The following ROBO1 variants were observed in gnomAD, a reference collection of about 807,000 sequenced individuals.
The protein encoded by ROBO1 is roundabout homolog 1.
In ROBO1, 149 loss-of-function variants were observed where a neutral mutation model predicts 195.9. The ratio of observed to expected loss-of-function variants is 0.76; its 90% confidence interval spans 0.67 to 0.87. ROBO1 has a LOEUF of 0.87. Ranked by LOEUF, ROBO1 falls within the 40% of genes least tolerant of loss-of-function variation. The probability of loss-of-function intolerance (pLI) is 0.00; values close to 1 mark genes in which losing one functional copy is unlikely to be tolerated. For synonymous variants in ROBO1, 816 were observed against 733.2 expected (o/e 1.11, Z -1.82); for missense variants, 1,933 against 2,068.3 (o/e 0.93, Z 1.27).
intron 18 of ROBO1, among the ~76,000 whole-genome samples, chr3:78,656,681 T>C (rs1707047348): frequency 6.6e-6 from 1 of 152,140 alleles, no homozygotes; most frequent in Admixed American, 6.5e-5. Context: ...CAAGCAACTG[T>C]GAGTTCCATG....
intron 2 of ROBO1, among the ~76,000 whole-genome samples, chr3:79,287,756 T>C (rs1169569747): frequency 3.9e-5 from 6 of 152,216 alleles, no homozygotes; most frequent in Admixed American, 2.6e-4. Context: ...ACTTGCTGAA[T>C]TTGAAAAGAA....
intron 10 of ROBO1, among the ~76,000 whole-genome samples, chr3:78,680,226 A>G (rs1307261289): frequency 1.3e-5 from 2 of 152,090 alleles, no homozygotes; most frequent in Non-Finnish European, 2.9e-5. Context: ...AATCATAAAA[A>G]CCCTAGAAGA....
At chr3:78,747,860 C>A (rs546757645) in intron 4 of ROBO1, among the ~76,000 whole-genome samples, 1 of 152,114 alleles carries the variant, frequency 6.6e-6, no homozygotes, top group Non-Finnish European at 1.5e-5. Context: ...ATCAAGAAAT[C>A]ATGAATTATG....
At chr3:79,598,110 G>A (rs919507803) in intron 1 of ROBO1, among the ~76,000 whole-genome samples, 1 of 152,038 alleles carries the variant, frequency 6.6e-6, no homozygotes, top group African/African-American at 2.4e-5. Context: ...ACCTCAGGCT[G>A]TATATCACAA....
At chr3:78,963,494 GTTTTTTTTTTTTTT>G (rs750158094) in intron 3 of ROBO1, among the ~76,000 whole-genome samples, 268 of 72,330 alleles carry the variant, frequency 3.7e-3, no homozygotes, top group Middle Eastern at 0.021. Context: ...AAAACCTTCA[GTTTTTTTTTTTTTT>G]TTTTTTTTTT....
intron 4 of ROBO1, among the ~76,000 whole-genome samples, chr3:78,841,685 A>G (rs2033215468): frequency 6.6e-6 from 1 of 152,180 alleles, no homozygotes; most frequent in African/African-American, 2.4e-5. Context: ...TGCACAAAAC[A>G]CCATAAACAA....
Position 79,405,206 on chromosome 3 carries a change from T to G in ROBO1, c.88+184618A>C, listed in dbSNP as rs564215231. On this transcript the variant is annotated intron_variant, in intron 2 of 30. Transcript: ENST00000464233. Reference sequence around the variant, plus strand: ...AACACTTTCCAGAGTTTCACTATGATGTACTATGTAGTTTTGAAGTGTAAT... The same window carrying G: ...AACACTTTCCAGAGTTTCACTATGAGGTACTATGTAGTTTTGAAGTGTAAT... Among the ~76,000 whole-genome samples the G allele has an allele frequency of 3.9e-4, 60 of 152,182 alleles. 1 individual carries two copies. Among genetic ancestry groups the G allele is most frequent in the Admixed American group, 9.2e-4 (14 of 15,244 alleles).
At chr3:79,054,243 A>G (rs2078759877) in intron 3 of ROBO1, among the ~76,000 whole-genome samples, 1 of 152,122 alleles carries the variant, frequency 6.6e-6, no homozygotes, top group African/African-American at 2.4e-5. Context: ...AAAGGTGTGT[A>G]TGAGAGCTTG....
chr3:78,653,585 A>T (rs768240223), intron 18 of ROBO1, among the ~76,000 whole-genome samples: 2 of 151,908 alleles, frequency 1.3e-5, no homozygotes, highest in Non-Finnish European at 2.9e-5. Context: ...CCTTGTCGGC[A>T]CTCCCTCTGT....
At chr3:78,774,781 T>C (rs2083464239) in intron 4 of ROBO1, among the ~76,000 whole-genome samples, 1 of 152,188 alleles carries the variant, frequency 6.6e-6, no homozygotes, top group South Asian at 2.1e-4. Context: ...CAATGATCTC[T>C]AATGTGACTC....
rs1939685394 is a variant in ROBO1 at position 79,495,603 on chromosome 3, G to A, written c.88+94221C>T. Among the ~76,000 whole-genome samples the A allele has an allele frequency of 2.6e-5, 4 of 152,110 alleles. No homozygotes were observed. In the South Asian group the frequency reaches 8.3e-4, roughly 32 times the overall value. On this transcript the variant is annotated intron_variant, in intron 2 of 30. Coordinates refer to ENST00000464233, the MANE Select transcript of ROBO1 (RefSeq NM_002941.4). ...TTAAGACATAAGGGGGAAGTGTTAT[G>A]TGGAAGGGTGCTGATTTCTGCCATT...
intron 2 of ROBO1, among the ~76,000 whole-genome samples, chr3:79,528,895 G>T (rs1941540638): frequency 6.6e-6 from 1 of 152,092 alleles, no homozygotes; most frequent in African/African-American, 2.4e-5. Flanking sequence ...AAGATTCCGT[G>T]TTTAAAGACA....
intron 2 of ROBO1, among the ~76,000 whole-genome samples, chr3:79,316,102 T>C (rs1298269053): frequency 6.6e-6 from 1 of 152,208 alleles, no homozygotes; most frequent in African/African-American, 2.4e-5. Flanking sequence ...AATAGTCATC[T>C]AAGTATTTCA....
chr3:79,429,368 G>A (rs144201404), intron 2 of ROBO1, among the ~76,000 whole-genome samples: 14 of 152,150 alleles, frequency 9.2e-5, no homozygotes, highest in African/African-American at 3.4e-4. Context: ...GGAAAACGTG[G>A]AAGTAAATAT....
intron 1 of ROBO1, among the ~76,000 whole-genome samples, chr3:79,642,937 G>A (rs1317449767): frequency 6.6e-6 from 1 of 152,166 alleles, no homozygotes; most frequent in Non-Finnish European, 1.5e-5. Context: ...AATATTGAGT[G>A]TCAACTTGAT....
Position 79,142,023 on chromosome 3 carries a change from T to C in ROBO1, c.89-16484A>G, listed in dbSNP as rs558383330. 1.2e-3 allele frequency among the ~76,000 whole-genome samples: 186 copies of C among 152,268 alleles called. 1 individual carries two copies. The highest frequency in any genetic ancestry group is 0.01 in the Middle Eastern group (3 of 294). Reference sequence around the variant, plus strand: ...GCCTTTATTCTCACAAGGAATTTTATAGTGAGATGATATGTTTCACTTACA... The same window carrying C: ...GCCTTTATTCTCACAAGGAATTTTACAGTGAGATGATATGTTTCACTTACA... On this transcript the variant is annotated intron_variant, in intron 2 of 30. Coordinates refer to ENST00000464233, the MANE Select transcript of ROBO1 (RefSeq NM_002941.4).
intron 1 of ROBO1, among the ~76,000 whole-genome samples, chr3:79,757,503 C>CCA (rs369407395): frequency 0.17 from 24,152 of 144,850 alleles, 2,168 homozygotes; most frequent in East Asian, 0.24. Flanking sequence ...CTCTCTCTCT[C>CCA]TCTCTCCATA....
intron 4 of ROBO1, among the ~76,000 whole-genome samples, chr3:78,752,817 T>C (rs2082831097): frequency 6.6e-6 from 1 of 152,160 alleles, no homozygotes; most frequent in African/African-American, 2.4e-5. Context: ...TTCCTAAAGG[T>C]ACTCATTTAA....
At chr3:78,852,367 G>T (rs1035656072) in intron 4 of ROBO1, among the ~76,000 whole-genome samples, 4 of 152,148 alleles carry the variant, frequency 2.6e-5, no homozygotes, top group Non-Finnish European at 5.9e-5. Context: ...GAGAATGTCA[G>T]TTCTACTTTC....
Sources: gnomAD v4.1 joint callset for allele counts (sites outside exome capture counted in the v4.1 genomes callset) on GRCh38, gnomAD v4.1.1 for gene constraint, MANE v1.5 for transcripts, NCBI Gene and HGNC (gene_info 2026-07-23, HGNC 2026-07-21) for gene names.